Variants in DLG2 observed in about 807,000 individuals in gnomAD.
The protein encoded by DLG2 is disks large homolog 2.
Under a neutral mutation model 132.5 loss-of-function variants are expected in DLG2, and 45 were observed. The ratio of observed to expected loss-of-function variants is 0.34; its 90% confidence interval spans 0.27 to 0.44. The LOEUF (loss-of-function observed/expected upper bound fraction) is 0.44. Ranked by LOEUF, DLG2 falls within the 20% of genes least tolerant of loss-of-function variation. DLG2 has a pLI of 1.00. For missense variants in DLG2, 1,045 were observed against 1,196.9 expected (o/e 0.87, Z 1.87); for synonymous variants, 424 against 419.6 (o/e 1.01, Z -0.13).
At chr11:84,809,865 A>G (rs2076379248) in intron 6 of DLG2, among the ~76,000 whole-genome samples, 1 of 152,056 alleles carries the variant, frequency 6.6e-6, no homozygotes, top group Non-Finnish European at 1.5e-5. Context: ...TACAGTAATT[A>G]AAACTATGTG....
intron 3 of DLG2, among the ~76,000 whole-genome samples, chr11:85,315,073 G>C (rs2080564583): frequency 6.6e-6 from 1 of 151,956 alleles, no homozygotes; most frequent in Non-Finnish European, 1.5e-5. Context: ...GAGGGTTGTT[G>C]GGAGGGATTA....
rs745802439 is a variant in DLG2, at chr11:85,119,280, T to C, written c.283-7545A>G. ...GTCTGGGATTATTTACTTGAAATCATTGGTTATAAATATTTCTAAAAAATA... is the reference window on the plus strand; with the variant it reads ...GTCTGGGATTATTTACTTGAAATCACTGGTTATAAATATTTCTAAAAAATA... On this transcript the variant is annotated intron_variant, in intron 5 of 27. Transcript: ENST00000376104. Among the ~76,000 whole-genome samples, 7 of 152,140 alleles carry C rather than the reference T, an allele frequency of 4.6e-5. No individual in the cohort carries two copies. In the East Asian group the frequency reaches 5.8e-4, roughly 13 times the overall value.
chr11:84,851,081 A>G (rs2082112607), intron 6 of DLG2, among the ~76,000 whole-genome samples: 1 of 152,212 alleles, frequency 6.6e-6, no homozygotes, highest in Non-Finnish European at 1.5e-5. Context: ...CAAAAACAGA[A>G]CATATCATGT....
At chr11:84,284,373 G>A (rs1224302906) in intron 7 of DLG2, among the ~76,000 whole-genome samples, 1 of 152,188 alleles carries the variant, frequency 6.6e-6, no homozygotes, top group Non-Finnish European at 1.5e-5. Context: ...GACCTGTGGT[G>A]TATTGAAGTC....
intron 7 of DLG2, among the ~76,000 whole-genome samples, chr11:84,517,423 A>G (rs2099277146): frequency 6.6e-6 from 1 of 152,006 alleles, no homozygotes; most frequent in South Asian, 2.1e-4. Context: ...CATCAGGGAA[A>G]TGCAAGTAAA....
intron 18 of DLG2, among the ~76,000 whole-genome samples, chr11:83,722,710 C>A (rs1276047103): frequency 1.3e-5 from 2 of 152,108 alleles, no homozygotes. Flanking sequence ...CTAACAAGTG[C>A]CACCTTCAGC....
intron 6 of DLG2, among the ~76,000 whole-genome samples, chr11:84,703,095 T>C (rs2059374976): frequency 6.6e-6 from 1 of 151,568 alleles, no homozygotes; most frequent in African/African-American, 2.4e-5. Flanking sequence ...ATAAAAAATG[T>C]TTTACACACT....
intron 15 of DLG2, among the ~76,000 whole-genome samples, chr11:83,909,908 C>T (rs1269751076): frequency 6.6e-6 from 1 of 152,166 alleles, no homozygotes; most frequent in African/African-American, 2.4e-5. Flanking sequence ...TCCAGGGAAG[C>T]AGCCTCAATG....
intron 6 of DLG2, among the ~76,000 whole-genome samples, chr11:84,907,813 G>A (rs1436588594): frequency 6.6e-6 from 1 of 152,110 alleles, no homozygotes; most frequent in African/African-American, 2.4e-5. Context: ...GCACTTGAGA[G>A]GCTGTACATT....
At chr11:85,353,051 A>G (rs940127543) in intron 3 of DLG2, among the ~76,000 whole-genome samples, 24 of 152,344 alleles carry the variant, frequency 1.6e-4, no homozygotes, top group Admixed American at 1.5e-3. Flanking sequence ...TGAACAGGCA[A>G]CCTATAGAAT....
At chr11:84,930,187 C>CT (rs1201792711) in intron 6 of DLG2, among the ~76,000 whole-genome samples, 1 of 152,086 alleles carries the variant, frequency 6.6e-6, no homozygotes, top group Non-Finnish European at 1.5e-5. Flanking sequence ...CCTACAGAGT[C>CT]TTTTTTCTGA....
At chr11:84,774,052 A>C (rs191160987) in intron 6 of DLG2, among the ~76,000 whole-genome samples, 135 of 152,300 alleles carry the variant, frequency 8.9e-4, no homozygotes, top group African/African-American at 3.2e-3. Flanking sequence ...ATTTCAATAA[A>C]AGACTCTTGG....
intron 6 of DLG2, among the ~76,000 whole-genome samples, chr11:84,886,894 T>C (rs193016699): frequency 1.6e-4 from 24 of 152,300 alleles, no homozygotes; most frequent in Admixed American, 4.6e-4. Context: ...GAAATTAATC[T>C]TTTTAAACTA....
At position 85,339,215 on chromosome 11, in the gene DLG2, G is replaced by A. The variant is rs1176730163; in HGVS notation, c.41-53850C>T. On this transcript the variant is annotated intron_variant, in intron 3 of 27. Transcript: ENST00000376104. ...CTTATTCTTTCTTAACAGATGTACA[G>A]TACTCCATGTGGATTTGCCATAGCT... 2.0e-5 allele frequency among the ~76,000 whole-genome samples: 3 copies of A among 152,130 alleles called. No homozygotes were observed. The East Asian group carries it at 5.8e-4, about 29-fold the overall frequency.
Position 83,812,179 on chromosome 11 carries a change from TCTC to T in DLG2, c.1722+21432_1722+21434del, listed in dbSNP as rs1160330372. On this transcript the variant is annotated intron_variant, in intron 17 of 27. Transcript: ENST00000376104. ...TGGGAAGCTCAATTCAAATCCTACTTCTCCTATGAAATTCTCCCCAGTTACAGG... is the reference window on the plus strand; with the variant it reads ...TGGGAAGCTCAATTCAAATCCTACTTCTATGAAATTCTCCCCAGTTACAGG... Among the ~76,000 whole-genome samples, 3 of 152,088 alleles carry T rather than the reference TCTC, an allele frequency of 2.0e-5. No homozygotes were observed. In the East Asian group the frequency reaches 5.8e-4, roughly 29 times the overall value.
intron 22 of DLG2, 139 bp from the exon 23 acceptor site, chr11:83,472,916 A>T (rs1000345522): frequency 1.4e-6 from 1 of 693,324 alleles, no homozygotes; most frequent in Non-Finnish European, 2.5e-6. Context: ...TTCAAAAATA[A>T]CTTCATCCTC....
At chr11:83,756,212 G>A (rs1346556784) in intron 18 of DLG2, among the ~76,000 whole-genome samples, 2 of 150,942 alleles carry the variant, frequency 1.3e-5, no homozygotes, top group African/African-American at 2.5e-5. Flanking sequence ...TATTTCACAG[G>A]AGTGAAATCC....
chr11:83,975,089 T>C (rs2091999441), intron 12 of DLG2, among the ~76,000 whole-genome samples: 1 of 152,058 alleles, frequency 6.6e-6, no homozygotes, highest in South Asian at 2.1e-4. Context: ...AATCAAATTA[T>C]CCTGGATTCA....
At chr11:85,323,440 T>A (rs1369630669) in intron 3 of DLG2, among the ~76,000 whole-genome samples, 1 of 152,354 alleles carries the variant, frequency 6.6e-6, no homozygotes, top group East Asian at 1.9e-4. Context: ...GAGTGTGCAA[T>A]GATCAAATAA....
Sources: gnomAD v4.1 joint callset for allele counts (sites outside exome capture counted in the v4.1 genomes callset) on GRCh38, gnomAD v4.1.1 for gene constraint, MANE v1.5 for transcripts, NCBI Gene and HGNC (gene_info 2026-07-23, HGNC 2026-07-21) for gene names.